MIPOL1: variants seen among roughly 807,000 people sequenced by gnomAD.
MIPOL1 encodes mirror-image polydactyly gene 1 protein.
A neutral mutation model predicts 60.9 loss-of-function variants in MIPOL1; 57 were observed. That is an observed-to-expected ratio of 0.94 (90% confidence interval 0.76 to 1.17). MIPOL1 has a LOEUF of 1.17. Among genes scored for constraint, MIPOL1 ranks in the 50% most tolerant of loss-of-function variants. MIPOL1 has a pLI of 0.00. For missense variants in MIPOL1, 551 were observed against 511.6 expected, an observed-to-expected ratio of 1.08 and a Z score of -0.74; for synonymous variants, 179 against 168.8, an observed-to-expected ratio of 1.06 and a Z score of -0.47.
chr14:37,508,741 A>G (rs1345776064), intron 12 of MIPOL1, among the ~76,000 whole-genome samples: 2 of 152,158 alleles, frequency 1.3e-5, no homozygotes, highest in South Asian at 2.1e-4. Flanking sequence ...TCCACACTGT[A>G]CTATCTCATT....
intron 11 of MIPOL1, among the ~76,000 whole-genome samples, chr14:37,470,498 C>G (rs1312320038): frequency 6.6e-6 from 1 of 152,126 alleles, no homozygotes. Context: ...CTCTTCCTCT[C>G]TCTCTCCTGC....
intron 9 of MIPOL1, among the ~76,000 whole-genome samples, chr14:37,357,358 G>A (rs985555037): frequency 6.6e-6 from 1 of 152,060 alleles, no homozygotes; most frequent in African/African-American, 2.4e-5. Flanking sequence ...GTGCTTGTGG[G>A]ATATTGCTCA....
intron 11 of MIPOL1, among the ~76,000 whole-genome samples, chr14:37,481,452 G>A (rs1438260071): frequency 6.6e-6 from 1 of 151,794 alleles, no homozygotes; most frequent in African/African-American, 2.4e-5. Flanking sequence ...CACACCAAAT[G>A]ATCTACCCAA....
intron 1 of MIPOL1, among the ~76,000 whole-genome samples, chr14:37,225,007 C>G (rs1387164372): frequency 6.6e-6 from 1 of 152,158 alleles, no homozygotes. Flanking sequence ...GTGGGGCAGT[C>G]AAATATTAAA....
At chr14:37,263,213 T>C (rs1171683889) in intron 3 of MIPOL1, among the ~76,000 whole-genome samples, 1 of 152,116 alleles carries the variant, frequency 6.6e-6, no homozygotes, top group Non-Finnish European at 1.5e-5. Context: ...ATTGAGACAG[T>C]TAACAATACT....
chr14:37,527,501 T>G (rs1181822656), intron 12 of MIPOL1, among the ~76,000 whole-genome samples: 1 of 152,084 alleles, frequency 6.6e-6, no homozygotes, highest in Non-Finnish European at 1.5e-5. Context: ...TCTTAGCAAA[T>G]AAGCTGTCAT....
At chr14:37,308,273 C>G (rs1288455558) in intron 8 of MIPOL1, 76 bp from the exon 9 acceptor site, 2 of 1,267,508 alleles carry the variant, frequency 1.6e-6, no homozygotes, top group Non-Finnish European at 2.1e-6. Flanking sequence ...TTCACATGTG[C>G]CTATTAATTA....
intron 12 of MIPOL1, among the ~76,000 whole-genome samples, chr14:37,537,669 A>G (rs912553269): frequency 2.6e-5 from 4 of 152,212 alleles, no homozygotes; most frequent in African/African-American, 9.6e-5. Context: ...GATACCAAAC[A>G]CAGCATTGTT....
rs563916850 is a variant in MIPOL1, at chr14:37,291,853, T to C, written c.623+6406T>C. Among the ~76,000 whole-genome samples, 68 of 151,664 alleles carry C rather than the reference T, an allele frequency of 4.5e-4. 1 individual carries two copies. In the South Asian group the frequency reaches 0.014, roughly 32 times the overall value. On this transcript the variant is annotated intron_variant, in intron 7 of 12. Transcript: ENST00000684589. Reference sequence around the variant, plus strand: ...TTCAATCCATAAGAGAGGAGCCTAGTGGCCTAATCACCTCTCAAAGGTCTT... The same window carrying C: ...TTCAATCCATAAGAGAGGAGCCTAGCGGCCTAATCACCTCTCAAAGGTCTT...
Position 37,398,426 on chromosome 14 carries a change from C to T in MIPOL1, c.937-24429C>T, listed in dbSNP as rs1371351018. Among the ~76,000 whole-genome samples the T allele has an allele frequency of 3.3e-5, 5 of 152,218 alleles. 1 individual carries two copies. The highest frequency in any genetic ancestry group is 3.9e-4 in the East Asian group (2 of 5,172). On this transcript the variant is annotated intron_variant, in intron 10 of 12. Transcript: ENST00000684589. The stretch of plus-strand genomic sequence containing the variant: ...TTGCAGTTATTCTGGAGCTAAAATT[C>T]GCAATGTGAGCCTCTGCATGCTGCT...
chr14:37,305,334 A>T (rs186257591), intron 7 of MIPOL1, among the ~76,000 whole-genome samples: 20 of 151,976 alleles, frequency 1.3e-4, no homozygotes, highest in African/African-American at 4.3e-4. Context: ...CTCATTTTCC[A>T]ACACTCTGTA....
chr14:37,362,378 G>T (rs917391823), intron 9 of MIPOL1, among the ~76,000 whole-genome samples: 2 of 152,104 alleles, frequency 1.3e-5, no homozygotes, highest in South Asian at 2.1e-4. Flanking sequence ...GCTTAGTTTG[G>T]CTGGATATGA....
chr14:37,330,989 T>G (rs2089633499), intron 9 of MIPOL1, among the ~76,000 whole-genome samples: 1 of 151,942 alleles, frequency 6.6e-6, no homozygotes, highest in Admixed American at 6.6e-5. Context: ...CAAAAATGAG[T>G]GGGTTGTAAA....
intron 7 of MIPOL1, among the ~76,000 whole-genome samples, chr14:37,290,302 C>T (rs743077): frequency 0.3 from 46,152 of 151,822 alleles, 7,234 homozygotes; most frequent in East Asian, 0.46. Context: ...CTCGGCTCAC[C>T]ACAACCTCCG....
At chr14:37,270,992 T>G (rs1185508204) in intron 6 of MIPOL1, among the ~76,000 whole-genome samples, 2 of 152,086 alleles carry the variant, frequency 1.3e-5, no homozygotes, top group Admixed American at 1.3e-4. Flanking sequence ...ATTAATAAGT[T>G]TTCATCTGAT....
At chr14:37,302,259 G>GTTTTTTTT (rs1244984056) in intron 7 of MIPOL1, among the ~76,000 whole-genome samples, 1 of 58,590 alleles carries the variant, frequency 1.7e-5, no homozygotes. Flanking sequence ...ATTTGGAACT[G>GTTTTTTTT]TTGTTTTTTT....
chr14:37,375,747 T>TGTTCCTTGTGTCGGA (rs1566472042), intron 10 of MIPOL1, among the ~76,000 whole-genome samples: 2 of 152,020 alleles, frequency 1.3e-5, no homozygotes, highest in African/African-American at 2.4e-5. Context: ...TTCTCTTCTC[T>TGTTCCTTGTGTCGGA]ACTCTTCTCT....
chr14:37,423,854 A>G (rs1277063160), intron 11 of MIPOL1: 1 of 152,324 alleles, frequency 6.6e-6, no homozygotes, highest in African/African-American at 2.4e-5. Context: ...TACATGCATC[A>G]TTATTAATGG....
At chr14:37,337,067 G>A (rs1434757688) in intron 9 of MIPOL1, among the ~76,000 whole-genome samples, 5 of 151,880 alleles carry the variant, frequency 3.3e-5, no homozygotes, top group Admixed American at 3.3e-4. Flanking sequence ...GGTAAAAAGA[G>A]TACTAATGGG....
Sources: allele counts gnomAD v4.1 joint callset (sites outside exome capture counted in the v4.1 genomes callset), GRCh38; gene constraint gnomAD v4.1.1; transcripts MANE v1.5; gene names NCBI Gene and HGNC (gene_info 2026-07-23, HGNC 2026-07-21).